Variants in BSDC1 observed in about 807,000 individuals in gnomAD.
BSDC1 encodes BSD domain-containing protein 1.
BSDC1 carries 29 observed loss-of-function variants against 56.0 expected under a neutral mutation model. The ratio of observed to expected loss-of-function variants is 0.52; its 90% CI spans 0.39 to 0.71. BSDC1 has a LOEUF of 0.71. Ranked by LOEUF, BSDC1 falls within the 30% of genes least tolerant of loss-of-function variation. BSDC1 has a pLI of 0.00. For synonymous variants in BSDC1, 210 were observed against 215.3 expected (o/e 0.98, Z 0.21); for missense variants, 477 against 548.5 (o/e 0.87, Z 1.30).
At position 32,376,667 on chromosome 1, in the gene BSDC1, C is replaced by T. The variant is rs780296303; in HGVS notation, c.751G>A (p.Glu251Lys). 7.1e-7 allele frequency: 1 copy of T among 1,416,688 alleles called. No homozygotes were observed. The highest frequency in any genetic ancestry group is 9.3e-7 in the Non-Finnish European group (1 of 1,072,992). The allele number at this position is 1,416,688 out of a possible 1,614,324, so 87.8% of individuals were successfully genotyped here. The stretch of plus-strand genomic sequence containing the variant: ...GGGCTCTGGGGGCCAGGTTCTCCTT[C>T]AGGGAATGTAGAAATTTTGGCCACA... The part of the protein sequence containing the change: ...VPVAKISTFP[E>K]GEPGPQSPCE... Residue 251 changes from glutamate (E) to lysine (K), a missense_variant, in exon 9 of 11, where the codon GAA becomes AAA. By Grantham distance (56) the Glu-to-Lys change is moderately conservative. Transcript: ENST00000455895.
intron 9 of BSDC1, chr1:32,374,908 T>A (rs984068514): frequency 6.6e-6 from 1 of 152,202 alleles, no homozygotes; most frequent in African/African-American, 2.4e-5. Context: ...ATCACAGCAC[T>A]TTGGGAGGCC....
At chr1:32,382,210 G>A (rs1449610165) in intron 4 of BSDC1, among the ~76,000 whole-genome samples, 29 of 141,182 alleles carry the variant, frequency 2.1e-4, no homozygotes, top group African/African-American at 7.5e-4. Context: ...CTGGGCGACA[G>A]AGAGAGACTC....
chr1:32,376,951 G>A (rs565243645), intron 8 of BSDC1, among the ~76,000 whole-genome samples: 47 of 152,102 alleles, frequency 3.1e-4, no homozygotes, highest in Non-Finnish European at 5.4e-4. Context: ...TGGCCAACAC[G>A]GTGAAACCCC....
chr1:32,379,726 G>A (rs925196276), intron 5 of BSDC1, among the ~76,000 whole-genome samples: 8 of 152,150 alleles, frequency 5.3e-5, no homozygotes, highest in African/African-American at 1.9e-4. Context: ...GAATAGCTGA[G>A]GCTACGGGCA....
Position 32,366,658 on chromosome 1 carries a change from C to T in BSDC1, c.1261-4G>A. The T allele has an allele frequency of 6.8e-7, 1 of 1,464,724 alleles. No individual in the cohort carries two copies. Among genetic ancestry groups the T allele is most frequent in the Non-Finnish European group, 9.1e-7 (1 of 1,104,432 alleles). The allele number at this position is 1,464,724 out of a possible 1,614,324, so 90.7% of individuals were successfully genotyped here. A position where few individuals can be genotyped will look rare whatever the true frequency, so the allele number is the denominator to read the frequency against. Reference sequence around the variant, plus strand: ...CCTCCCACTCTACATCTTCCAGCTGCAAATGGGAGGGGGTAATGGAAATCA... The same window carrying T: ...CCTCCCACTCTACATCTTCCAGCTGTAAATGGGAGGGGGTAATGGAAATCA... On this transcript the variant is annotated splice_polypyrimidine_tract_variant and splice_region_variant and intron_variant, in intron 10 of 10. Transcript: ENST00000455895.
Position 32,366,244 on chromosome 1 carries a change from A to G in BSDC1, c.*378T>C. 2 of 386,956 alleles carry G rather than the reference A, an allele frequency of 5.2e-6. No individual in the cohort carries two copies. The highest frequency in any genetic ancestry group is 7.8e-5 in the Admixed American group (2 of 25,654). 24.0% of individuals were successfully genotyped at this position (386,956 alleles called of 1,614,324 possible). A position where few individuals can be genotyped will look rare whatever the true frequency, so the allele number is the denominator to read the frequency against. ...ATGTTGTCTCAGCTTCCTCCGAGAG[A>G]GACTGGTGGTTTAGCTTCTGTCTAC... On this transcript the variant is annotated 3_prime_UTR_variant, in exon 11 of 11. Coordinates refer to ENST00000455895, the MANE Select transcript of BSDC1 (RefSeq NM_018045.8).
At chr1:32,366,845 G>T in intron 10 of BSDC1, 191 bp from the exon 11 acceptor site, 5 of 1,325,168 alleles carry the variant, frequency 3.8e-6, no homozygotes, top group Non-Finnish European at 3.9e-6. Flanking sequence ...CTCTGCCTGA[G>T]GGGTGGGCCT....
At chr1:32,381,367 T>C in intron 4 of BSDC1, 99 bp from the exon 5 acceptor site, 8 of 1,201,520 alleles carry the variant, frequency 6.7e-6, no homozygotes, top group Non-Finnish European at 9.7e-6. Flanking sequence ...CAATCCAGCT[T>C]CTCCCTTGTT....
rs1274819307 is a variant in BSDC1 at position 32,378,187 on chromosome 1, G to A, written c.597+28C>T. 4 of 1,612,934 alleles carry A rather than the reference G, an allele frequency of 2.5e-6. No homozygotes were observed. Among genetic ancestry groups the A allele is most frequent in the Non-Finnish European group, 2.5e-6 (3 of 1,178,930 alleles). On this transcript the variant is annotated intron_variant, in intron 7 of 10. Transcript: ENST00000455895. The surrounding 1 kb of genome is among the most constrained non-coding windows in gnomAD (Gnocchi z 5.2). Reference sequence around the variant, plus strand: ...AGCCTGCTTCCCCCAGGGTTGAGTGGGGACCTCCCCATGCTAGACCAGCAT... The same window carrying A: ...AGCCTGCTTCCCCCAGGGTTGAGTGAGGACCTCCCCATGCTAGACCAGCAT...
At position 32,383,926 on chromosome 1, in the gene BSDC1, G is replaced by A. The variant is rs1231153315; in HGVS notation, c.261C>T (p.Asp87=). 1 of 1,612,834 alleles carries A rather than the reference G, an allele frequency of 6.2e-7. No homozygotes were observed. Among genetic ancestry groups the A allele is most frequent in the Non-Finnish European group, 8.5e-7 (1 of 1,180,034 alleles). Residue 87 remains aspartate (D), a synonymous_variant, in exon 4 of 11, where the codon GAC becomes GAT. Transcript: ENST00000455895. ...GLSDFLGVIS[D]TFAPSPDKTI... ...TTTTGTCTGGCGAAGGGGCAAAGGT[G>A]TCTGAGATCACCCCTAGGAAGTCAG...
intron 1 of BSDC1, 82 bp from the exon 2 acceptor site, chr1:32,394,222 T>C: frequency 1.3e-6 from 2 of 1,563,442 alleles, no homozygotes; most frequent in African/African-American, 1.4e-5. Context: ...CGCTCAGATG[T>C]ACCCTGCGGG....
chr1:32,367,961 T>C, intron 10 of BSDC1: 1 of 1,062,370 alleles, frequency 9.4e-7, no homozygotes, highest in Non-Finnish European at 1.1e-6. Flanking sequence ...GCCAAGTATA[T>C]ACTCAGGCCT....
At chr1:32,368,697 G>T in intron 9 of BSDC1, 147 bp from the exon 10 acceptor site, 2 of 1,212,596 alleles carry the variant, frequency 1.6e-6, no homozygotes, top group Non-Finnish European at 2.2e-6. Context: ...CGCACCAATC[G>T]TACTTTTTTT....
At chr1:32,392,276 G>T (rs1200204482) in intron 2 of BSDC1, among the ~76,000 whole-genome samples, 1 of 152,214 alleles carries the variant, frequency 6.6e-6, no homozygotes, top group Non-Finnish European at 1.5e-5. Context: ...AAGTTGCAGA[G>T]CTGAGACTGA....
intron 2 of BSDC1, among the ~76,000 whole-genome samples, chr1:32,392,679 C>T (rs16834970): frequency 0.012 from 1,883 of 152,294 alleles, 114 homozygotes; most frequent in Admixed American, 0.09. Flanking sequence ...CAGTCCTCAT[C>T]AACAACATAA....
rs1223394579 is a variant in BSDC1, at chr1:32,365,628, G to A, written c.*994C>T. The A allele has an allele frequency of 6.6e-6, 1 of 152,638 alleles. No individual in the cohort carries two copies. The highest frequency in any genetic ancestry group is 2.4e-5 in the African/African-American group (1 of 41,454). The allele number at this position is 152,638 out of a possible 1,614,324, so 9.5% of individuals were successfully genotyped here. ...GCTGGGTCTGTCTTCAGGAAGAAGA[G>A]CTTTTGCAGAAGCCTGATGAGAGTT... is the stretch of plus-strand genomic sequence containing the variant. On this transcript the variant is annotated 3_prime_UTR_variant, in exon 11 of 11. Transcript: ENST00000455895.
chr1:32,394,218 G>A, intron 1 of BSDC1, 78 bp from the exon 2 acceptor site: 3 of 1,572,712 alleles, frequency 1.9e-6, no homozygotes, highest in South Asian at 1.1e-5. Context: ...TCCCCGCTCA[G>A]ATGTACCCTG....
At position 32,376,123 on chromosome 1, in the gene BSDC1, A is replaced by G; in HGVS notation, c.1156+139T>C. The G allele has an allele frequency of 4.6e-6, 4 of 876,564 alleles. No individual in the cohort carries two copies. In the South Asian group the frequency reaches 1.1e-4, roughly 25 times the overall value. 54.3% of individuals were successfully genotyped at this position (876,564 alleles called of 1,614,324 possible). ...AATGAAATATGTTAGCAAATAGTCAATATATAGCAGCTGTCATCATTATCA... is the reference window on the plus strand; with the variant it reads ...AATGAAATATGTTAGCAAATAGTCAGTATATAGCAGCTGTCATCATTATCA... On this transcript the variant is annotated intron_variant, in intron 9 of 10. Coordinates refer to ENST00000455895, the MANE Select transcript of BSDC1 (RefSeq NM_018045.8).
At chr1:32,371,006 G>C (rs1489011101) in intron 9 of BSDC1, among the ~76,000 whole-genome samples, 1 of 151,922 alleles carries the variant, frequency 6.6e-6, no homozygotes, top group South Asian at 2.1e-4. Context: ...ATGCCTGTCT[G>C]TACTATTTGA....
Sources: gnomAD v4.1 joint callset for allele counts (sites outside exome capture counted in the v4.1 genomes callset) on GRCh38, gnomAD v4.1.1 for gene constraint, Gnocchi (gnomAD v3.1) non-coding constraint, MANE v1.5 for transcripts, NCBI Gene and HGNC (gene_info 2026-07-23, HGNC 2026-07-21) for gene names.